Variants in SOS1 observed in about 807,000 individuals in gnomAD.
SOS1 encodes son of sevenless homolog 1.
In SOS1, 25 loss-of-function variants were observed where a neutral mutation model predicts 157.6. The observed-to-expected ratio is 0.16, with a 90% confidence interval of 0.12 to 0.22. SOS1 has a LOEUF of 0.22. Ranked by LOEUF, SOS1 falls within the 10% of genes least tolerant of loss-of-function variation. The pLI is 1.00. For missense variants in SOS1, 1,237 were observed against 1,599.1 expected (o/e 0.77, Z 3.86); for synonymous variants, 528 against 534.0 (o/e 0.99, Z 0.16).
chr2:39,054,529 G>T, intron 5 of SOS1, 85 bp downstream of exon 5: 1 of 781,586 alleles, frequency 1.3e-6, no homozygotes, highest in Admixed American at 2.1e-5. Context: ...AATTAGTAAT[G>T]ATGAACTGTA....
chr2:39,116,292 G>T (rs977425446), intron 1 of SOS1, among the ~76,000 whole-genome samples: 2 of 152,172 alleles, frequency 1.3e-5, no homozygotes, highest in African/African-American at 4.8e-5. Context: ...AATCAAGTCA[G>T]AAACAAGACT....
At chr2:39,015,992 C>G (rs1669618897) in intron 10 of SOS1, among the ~76,000 whole-genome samples, 1 of 151,614 alleles carries the variant, frequency 6.6e-6, no homozygotes, top group Non-Finnish European at 1.5e-5. Context: ...AGCACAATGT[C>G]TTTTATTAGC....
Position 39,010,722 on chromosome 2 carries a change from A to C in SOS1, c.2391-19T>G. 6.3e-7 allele frequency: 1 copy of C among 1,594,350 alleles called. No individual in the cohort carries two copies. The highest frequency in any genetic ancestry group is 8.6e-7 in the Non-Finnish European group (1 of 1,162,566). ...TACAGCTCTAAAATCATCAATACAT[A>C]ATTCTACATGACACTTTTTTCTCTA... On this transcript the variant is annotated intron_variant, in intron 14 of 22. Transcript: ENST00000402219.
chr2:39,105,878 C>T (rs560545227), intron 1 of SOS1, among the ~76,000 whole-genome samples: 122 of 151,902 alleles, frequency 8.0e-4, no homozygotes, highest in Middle Eastern at 3.4e-3. Context: ...TCAGCCTGGG[C>T]GACAGGGTGA....
rs1433440330 is a variant in SOS1, at chr2:39,120,671, A to G, written c.-249T>C. 3.4e-5 allele frequency among the ~76,000 whole-genome samples: 5 copies of G among 146,310 alleles called. No individual in the cohort carries two copies. Among genetic ancestry groups the G allele is most frequent in the Admixed American group, 3.4e-4 (5 of 14,782 alleles). ...CGGCCCGGAGGCGGCGGCATCCCGC[A>G]CCACCGCCCCGGGGCCAGGCCCCCC... On this transcript the variant is annotated 5_prime_UTR_variant, in exon 1 of 23. Coordinates refer to ENST00000402219, the MANE Select transcript of SOS1 (RefSeq NM_005633.4).
chr2:39,029,639 CAAAA>C (rs1270817063), intron 8 of SOS1, among the ~76,000 whole-genome samples: 2 of 151,134 alleles, frequency 1.3e-5, no homozygotes, highest in Non-Finnish European at 3.0e-5. Context: ...CAAAACAAAA[CAAAA>C]AACAAAACCC....
intron 1 of SOS1, among the ~76,000 whole-genome samples, chr2:39,101,326 C>T (rs1438988219): frequency 6.6e-6 from 1 of 152,148 alleles, no homozygotes; most frequent in African/African-American, 2.4e-5. Context: ...CCACCAGGCC[C>T]CCACTGTCTA....
intron 17 of SOS1, among the ~76,000 whole-genome samples, chr2:39,003,082 C>G (rs796533225): frequency 0.064 from 2,080 of 32,502 alleles, 28 homozygotes; most frequent in Non-Finnish European, 0.095. Context: ...AAAAAAAGAA[C>G]GTAGGGGTAG....
intron 6 of SOS1, among the ~76,000 whole-genome samples, chr2:39,044,782 T>G (rs1243889352): frequency 2.6e-5 from 4 of 152,074 alleles, no homozygotes; most frequent in Non-Finnish European, 5.9e-5. Flanking sequence ...GTGTGTGGAT[T>G]TGGGTATCTG....
At chr2:39,024,208 G>C in intron 8 of SOS1, 71 bp from the exon 9 acceptor site, 1 of 1,225,130 alleles carries the variant, frequency 8.2e-7, no homozygotes, top group South Asian at 1.3e-5. Context: ...ACTCATTTAA[G>C]GATAAAAATA....
chr2:39,100,458 C>A (rs571143423), intron 1 of SOS1, among the ~76,000 whole-genome samples: 1 of 152,274 alleles, frequency 6.6e-6, no homozygotes, highest in Non-Finnish European at 1.5e-5. Flanking sequence ...CAGATACACA[C>A]AATGGAATAT....
Position 38,988,362 on chromosome 2 carries a change from G to A in SOS1, c.3392-771C>T, listed in dbSNP as rs74475556. Among the ~76,000 whole-genome samples, 193 of 152,024 alleles carry A rather than the reference G, an allele frequency of 1.3e-3. 1 individual carries two copies. The highest frequency in any genetic ancestry group is 0.011 in the East Asian group (55 of 5,164). ...TAGAACCTCTCTTACAGACATTTAT[G>A]GTAACAAGAACATAAGGTAGGCATA... On this transcript the variant is annotated intron_variant, in intron 21 of 22. Transcript: ENST00000402219.
chr2:39,006,912 T>TGA lies in SOS1; in HGVS notation c.2673+118_2673+119insTC, dbSNP rs1211413724. 8 of 750,012 alleles carry TGA rather than the reference T, an allele frequency of 1.1e-5. No homozygotes were observed. In the African/African-American group the frequency reaches 1.4e-4, roughly 13 times the overall value. The allele number at this position is 750,012 out of a possible 1,614,324, so 46.5% of individuals were successfully genotyped here. ...TACAAAACTTAGATAATTCAGTCTT[T>TGA]TAATCTACTACTGAAAAGACAAATG... is the stretch of plus-strand genomic sequence containing the variant. On this transcript the variant is annotated intron_variant, in intron 16 of 22. Coordinates refer to ENST00000402219, the MANE Select transcript of SOS1 (RefSeq NM_005633.4).
chr2:39,038,565 CT>C (rs927130053), intron 6 of SOS1, among the ~76,000 whole-genome samples: 1 of 151,158 alleles, frequency 6.6e-6, no homozygotes, highest in Non-Finnish European at 1.5e-5. Context: ...GAAACCCTCT[CT>C]CTACTAAAAA....
chr2:39,083,825 T>G (rs948235212), intron 1 of SOS1, among the ~76,000 whole-genome samples: 2 of 152,210 alleles, frequency 1.3e-5, no homozygotes, highest in Admixed American at 6.5e-5. Context: ...AAGGGAATGG[T>G]TGGATACACT....
rs146383828 is a variant in SOS1, at chr2:38,995,139, C to G, written c.3330G>C (p.Ser1110=). 2.4e-5 allele frequency: 39 copies of G among 1,613,866 alleles called. No individual in the cohort carries two copies. The African/African-American group carries it at 4.0e-4, about 17-fold the overall frequency. Residue 1110 remains serine (S), a synonymous_variant, in exon 20 of 23, where the codon TCG becomes TCC. Transcript: ENST00000402219. ...TGCACCTACTTGAGTGAAAAGGGCT[C>G]GAATGATCGGAATCAAATACACTGC... ...DVCSVFDSDH[S]SPFHSSNDTV... is the part of the protein sequence containing the mutation.
chr2:39,055,202 C>G (rs1241159175), intron 4 of SOS1, among the ~76,000 whole-genome samples: 1 of 152,106 alleles, frequency 6.6e-6, no homozygotes, highest in African/African-American at 2.4e-5. Flanking sequence ...ATGTTTATAG[C>G]TGTCTATTCG....
intron 1 of SOS1, among the ~76,000 whole-genome samples, chr2:39,083,413 G>A (rs1219554962): frequency 6.6e-6 from 1 of 152,132 alleles, no homozygotes; most frequent in African/African-American, 2.4e-5. Context: ...CCAGTCTCCA[G>A]GAGCTTCAAA....
At chr2:39,010,152 C>A (rs1277032493) in intron 15 of SOS1, among the ~76,000 whole-genome samples, 1 of 151,868 alleles carries the variant, frequency 6.6e-6, no homozygotes, top group Non-Finnish European at 1.5e-5. Context: ...CCCATCTCTA[C>A]TAAAAATACT....
Sources: allele counts gnomAD v4.1 joint callset (sites outside exome capture counted in the v4.1 genomes callset), GRCh38; gene constraint gnomAD v4.1.1; transcripts MANE v1.5; gene names NCBI Gene and HGNC (gene_info 2026-07-23, HGNC 2026-07-21).